NETO1: variants seen among roughly 807,000 people sequenced by gnomAD.
NETO1 encodes neuropilin and tolloid like 1, also known as neuropilin and tolloid-like protein 1.
NETO1 carries 26 observed loss-of-function variants against 61.3 expected under a neutral mutation model. The ratio of observed to expected loss-of-function variants is 0.42; its 90% CI spans 0.31 to 0.59. NETO1 has a LOEUF of 0.59. Ranked by LOEUF, NETO1 falls within the 20% of genes least tolerant of loss-of-function variation. NETO1 has a pLI of 0.12. For synonymous variants in NETO1, 225 were observed against 225.8 expected, an observed-to-expected ratio of 1.00 and a Z score of 0.03; for missense variants, 531 against 662.8, an observed-to-expected ratio of 0.80 and a Z score of 2.18.
chr18:72,862,143 T>C (rs2074591451), intron 3 of NETO1, among the ~76,000 whole-genome samples: 1 of 152,164 alleles, frequency 6.6e-6, no homozygotes, highest in Admixed American at 6.5e-5. Flanking sequence ...GTTCTCTCAT[T>C]TTAGATGAAG....
intron 7 of NETO1, among the ~76,000 whole-genome samples, chr18:72,774,218 A>G (rs2071470659): frequency 6.6e-6 from 1 of 152,192 alleles, no homozygotes; most frequent in Non-Finnish European, 1.5e-5. Context: ...AGAACTTCAG[A>G]AATCAAAACT....
intron 7 of NETO1, among the ~76,000 whole-genome samples, chr18:72,764,352 C>T (rs1358452411): frequency 6.6e-6 from 1 of 152,186 alleles, no homozygotes; most frequent in East Asian, 1.9e-4. Flanking sequence ...CACATATCAA[C>T]ATTCTATAGT....
chr18:72,774,205 T>G (rs1011176846), intron 7 of NETO1, among the ~76,000 whole-genome samples: 4 of 152,210 alleles, frequency 2.6e-5, no homozygotes, highest in African/African-American at 9.6e-5. Context: ...AGCAGCTAAA[T>G]GCAGAACTTC....
At chr18:72,788,508 G>A (rs1485967084) in intron 6 of NETO1, among the ~76,000 whole-genome samples, 5 of 151,758 alleles carry the variant, frequency 3.3e-5, no homozygotes, top group Non-Finnish European at 7.4e-5. Flanking sequence ...AATACTAATA[G>A]AAAGAATTAT....
At chr18:72,800,222 G>A (rs2072460388) in intron 4 of NETO1, among the ~76,000 whole-genome samples, 1 of 152,212 alleles carries the variant, frequency 6.6e-6, no homozygotes, top group African/African-American at 2.4e-5. Flanking sequence ...CTTTAGCCAT[G>A]CTAGAAGAGG....
At chr18:72,841,120 C>T (rs898677246) in intron 4 of NETO1, among the ~76,000 whole-genome samples, 1 of 152,130 alleles carries the variant, frequency 6.6e-6, no homozygotes, top group African/African-American at 2.4e-5. Flanking sequence ...GAAGCTGAAG[C>T]CAGGCTGATG....
chr18:72,864,835 C>T lies in NETO1; in HGVS notation c.193G>A (p.Asp65Asn). The T allele has an allele frequency of 2.5e-6, 4 of 1,613,788 alleles. No homozygotes were observed. Among genetic ancestry groups the T allele is most frequent in the East Asian group, 2.2e-5 (1 of 44,874 alleles). Reference sequence around the variant, plus strand: ...TCTATGATGTAGATGCATTCCCGGTCAGGGGGATACTTGCTGGGATAGTTG... The same window carrying T: ...TCTATGATGTAGATGCATTCCCGGTTAGGGGGATACTTGCTGGGATAGTTG... ...SPNYPSKYPPDRECIYIIEAA... is the reference protein window; with the variant it reads ...SPNYPSKYPPNRECIYIIEAA... Residue 65 changes from aspartate to asparagine, a missense_variant, in exon 3 of 11, where the codon GAC (aspartate) becomes AAC (asparagine). Asp to Asn is a conservative substitution (Grantham distance 23). Coordinates refer to ENST00000327305, the MANE Select transcript of NETO1 (RefSeq NM_138966.5).
intron 3 of NETO1, among the ~76,000 whole-genome samples, chr18:72,862,690 G>A (rs1244990110): frequency 1.4e-5 from 2 of 145,818 alleles, no homozygotes; most frequent in Non-Finnish European, 3.0e-5. Flanking sequence ...GTGCGATCTC[G>A]GCTCACTGCA....
intron 6 of NETO1, among the ~76,000 whole-genome samples, chr18:72,784,361 T>C (rs1188893246): frequency 6.6e-6 from 1 of 152,090 alleles, no homozygotes; most frequent in Non-Finnish European, 1.5e-5. Context: ...TGAAAGACAG[T>C]CTCTCTGATT....
At chr18:72,766,121 G>A (rs1458978088) in intron 7 of NETO1, among the ~76,000 whole-genome samples, 5 of 151,828 alleles carry the variant, frequency 3.3e-5, no homozygotes, top group South Asian at 4.2e-4. Flanking sequence ...GGGGAGAATC[G>A]TTTGAACCCA....
rs1599072791 is a variant in NETO1, at chr18:72,747,379, C to G, written c.*800G>C. The G allele has an allele frequency of 6.6e-6, 1 of 151,992 alleles. No homozygotes were observed. The highest frequency in any genetic ancestry group is 2.1e-4 in the South Asian group (1 of 4,820). 9.4% of individuals were successfully genotyped at this position (151,992 alleles called of 1,614,324 possible). ...AGGATATTTTCCCAACTCAAATATC[C>G]AGTACTGACATGCAGGGTATTTTCT... On this transcript the variant is annotated 3_prime_UTR_variant, in exon 11 of 11. Transcript: ENST00000327305.
chr18:72,756,250 C>T (rs1226625744), intron 7 of NETO1, 103 bp from the exon 8 acceptor site: 1 of 605,216 alleles, frequency 1.7e-6, no homozygotes, highest in East Asian at 2.8e-5. Context: ...GAATAATTTG[C>T]CACAAACTGA....
In NETO1 at chr18:72,772,821, CTCTCTATATATATATATATA is replaced by C. The variant is rs1259688618; in HGVS notation, c.868+10837_868+10856del. On this transcript the variant is annotated intron_variant, in intron 7 of 10. Coordinates refer to ENST00000327305, the MANE Select transcript of NETO1 (RefSeq NM_138966.5). ...TCTCTCTCTCTCTCTCTCTCTCTCTCTCTCTATATATATATATATATATATATATATATATATATATATAT... is the reference window on the plus strand; with the variant it reads ...TCTCTCTCTCTCTCTCTCTCTCTCTCTATATATATATATATATATATATAT... Among the ~76,000 whole-genome samples the C allele has an allele frequency of 3.6e-3, 180 of 50,638 alleles. 2 individuals carry two copies. Among genetic ancestry groups the C allele is most frequent in the African/African-American group, 0.013 (160 of 11,916 alleles). 33.2% of individuals were successfully genotyped at this position (50,638 alleles called of 152,430 possible). A position where few individuals can be genotyped will look rare whatever the true frequency, so the allele number is the denominator to read the frequency against.
intron 4 of NETO1, among the ~76,000 whole-genome samples, chr18:72,799,047 A>C (rs148075297): frequency 6.6e-6 from 1 of 152,350 alleles, no homozygotes; most frequent in Non-Finnish European, 1.5e-5. Context: ...ACTTCATCAA[A>C]TGTGTCTGCA....
chr18:72,843,273 C>T (rs1468859702), intron 4 of NETO1, among the ~76,000 whole-genome samples: 11 of 152,072 alleles, frequency 7.2e-5, no homozygotes, highest in Non-Finnish European at 1.3e-4. Flanking sequence ...AGTGTAAATC[C>T]TAGCAGAGAG....
chr18:72,793,916 C>T (rs1188180257), intron 6 of NETO1, among the ~76,000 whole-genome samples: 1 of 152,208 alleles, frequency 6.6e-6, no homozygotes, highest in Non-Finnish European at 1.5e-5. Context: ...CTTCAACTCA[C>T]TCTCTAGATT....
intron 4 of NETO1, among the ~76,000 whole-genome samples, chr18:72,813,183 T>C (rs2145221000): frequency 6.6e-6 from 1 of 152,266 alleles, no homozygotes; most frequent in East Asian, 1.9e-4. Context: ...AGTGACAATG[T>C]GCGAGAGAAT....
intron 3 of NETO1, among the ~76,000 whole-genome samples, chr18:72,862,612 CT>C (rs147165249): frequency 8.3e-4 from 89 of 106,886 alleles, no homozygotes; most frequent in African/African-American, 2.4e-3. Context: ...ACTCATGATC[CT>C]TTTTTTTTCT....
intron 8 of NETO1, among the ~76,000 whole-genome samples, chr18:72,755,146 T>C (rs1245895358): frequency 6.6e-6 from 1 of 152,224 alleles, no homozygotes; most frequent in East Asian, 1.9e-4. Flanking sequence ...ACAAAGCCAG[T>C]GGTGACCACG....
Sources: allele counts gnomAD v4.1 joint callset (sites outside exome capture counted in the v4.1 genomes callset), GRCh38; gene constraint gnomAD v4.1.1; transcripts MANE v1.5; gene names NCBI Gene and HGNC (gene_info 2026-07-23, HGNC 2026-07-21).